LETM1: variants seen among roughly 807,000 people sequenced by gnomAD.
The protein encoded by LETM1 is mitochondrial proton/calcium exchanger protein.
In LETM1, 50 loss-of-function variants were observed where a neutral mutation model predicts 74.5. The observed-to-expected ratio is 0.67, with a 90% CI of 0.53 to 0.85. The LOEUF is 0.85. Among genes scored for constraint, LETM1 ranks in the 40% least tolerant of loss-of-function variants. LETM1 has a pLI of 0.00. For synonymous variants in LETM1, 446 were observed against 407.1 expected (o/e 1.10, Z -1.15); for missense variants, 824 against 967.8 (o/e 0.85, Z 1.97).
chr4:1,827,795 G>A (rs1416608661), intron 6 of LETM1, among the ~76,000 whole-genome samples: 5 of 150,548 alleles, frequency 3.3e-5, no homozygotes, highest in Non-Finnish European at 3.0e-5. Flanking sequence ...TTCTCAATGA[G>A]CTGTTGGGCA....
In LETM1 at chr4:1,815,674, T is replaced by A. The variant is rs1252172792; in HGVS notation, c.2060A>T (p.Asp687Val). 3 of 1,614,116 alleles carry A rather than the reference T, an allele frequency of 1.9e-6. No individual in the cohort carries two copies. The highest frequency in any genetic ancestry group is 1.7e-5 in the Admixed American group (1 of 60,022). The change falls in exon 13 of 14, where the codon GAC becomes GTC. Residue 687 changes from aspartate (D) to valine (V), a missense_variant. Asp to Val is a radical substitution (Grantham distance 152). Around this residue, in one of 4 missense-constraint regions of LETM1, gnomAD observed 161 missense variants for 252.7 expected, o/e 0.64. Coordinates refer to ENST00000302787, the MANE Select transcript of LETM1 (RefSeq NM_012318.3). ...ENKDGKVNIDDLVKVIELVDK... is the reference protein window; with the variant it reads ...ENKDGKVNIDVLVKVIELVDK... ...CCCAGCGAGGCCCACCTTGACGAGG[T>A]CGTCGATGTTGACCTTGCCATCCTT...
rs764194986 is a variant in LETM1 at position 1,816,826 on chromosome 4, C to T, written c.1832G>A (p.Arg611Lys). 1 of 1,614,216 alleles carries T rather than the reference C, an allele frequency of 6.2e-7. No homozygotes were observed. Among genetic ancestry groups the T allele is most frequent in the Non-Finnish European group, 8.5e-7 (1 of 1,180,016 alleles). Reference sequence around the variant, plus strand: ...GATCTGCCCGATCATTTGCTGCACCCTTTTTGTCAATCTCTTGCTGGCTTT... The same window carrying T: ...GATCTGCCCGATCATTTGCTGCACCTTTTTTGTCAATCTCTTGCTGGCTTT... The part of the protein sequence containing the change: ...ESKASKRLTK[R>K]VQQMIGQIDG... Residue 611 changes from arginine to lysine, a missense_variant, in exon 12 of 14, where the codon AGG (arginine) becomes AAG (lysine). By Grantham distance (26) the Arg-to-Lys change is conservative (BLOSUM62 2). Around this residue, in one of 4 missense-constraint regions of LETM1, gnomAD observed 161 missense variants for 252.7 expected, o/e 0.64. Coordinates refer to ENST00000302787, the MANE Select transcript of LETM1 (RefSeq NM_012318.3).
At chr4:1,837,228 G>A (rs559574039) in intron 3 of LETM1, among the ~76,000 whole-genome samples, 108 of 152,106 alleles carry the variant, frequency 7.1e-4, no homozygotes, top group Non-Finnish European at 1.3e-3. Flanking sequence ...TACGTTTCCT[G>A]CGTTTCCACT....
chr4:1,844,590 G>A (rs1475054991), intron 2 of LETM1, among the ~76,000 whole-genome samples: 1 of 152,000 alleles, frequency 6.6e-6, no homozygotes, highest in Non-Finnish European at 1.5e-5. Flanking sequence ...AAATTAGCAG[G>A]CGTGGTGGCA....
Position 1,834,695 on chromosome 4 carries a change from C to T in LETM1, c.876+150G>A. The T allele has an allele frequency of 6.8e-7, 1 of 1,478,984 alleles. No individual in the cohort carries two copies. The highest frequency in any genetic ancestry group is 8.9e-7 in the Non-Finnish European group (1 of 1,119,012). 91.6% of individuals were successfully genotyped at this position (1,478,984 alleles called of 1,614,324 possible). The stretch of plus-strand genomic sequence containing the variant: ...TCGTGGGGGCAGACTCCTGACACTC[C>T]ACTGGCCCCCGACTGAGCCTCCTGG... On this transcript the variant is annotated intron_variant, in intron 5 of 13. Transcript: ENST00000302787. This position sits in a 1 kb window ranked among gnomAD's most constrained non-coding sequence, Gnocchi z 5.0.
chr4:1,850,735 C>A (rs1169284956), intron 1 of LETM1, among the ~76,000 whole-genome samples: 1 of 151,232 alleles, frequency 6.6e-6, no homozygotes, highest in Admixed American at 6.6e-5. Context: ...GAGGCTGAGG[C>A]GGGTGGATCA....
At chr4:1,848,791 TG>T (rs1712971464) in intron 2 of LETM1, among the ~76,000 whole-genome samples, 1 of 150,818 alleles carries the variant, frequency 6.6e-6, no homozygotes, top group Non-Finnish European at 1.5e-5. Context: ...TGAGACTTGC[TG>T]TACATCAAAA....
rs770092773 is a variant in LETM1 at position 1,834,859 on chromosome 4, C to G, written c.862G>C (p.Val288Leu). Residue 288 changes from valine to leucine, a missense_variant, in exon 5 of 14, where the codon GTG becomes CTG. By Grantham distance (32) the Val-to-Leu change is conservative. This residue lies in a region of LETM1 where 269 missense variants were observed against 348.8 expected (regional missense o/e 0.77). Coordinates refer to ENST00000302787, the MANE Select transcript of LETM1 (RefSeq NM_012318.3). This position sits in a 1 kb window ranked among gnomAD's most constrained non-coding sequence, Gnocchi z 5.0. ...AKGSATKDFS[V>L]FFQKIRETGE... ...TATCACAGCACCTTCTGGAAAAACA[C>G]AGAGAAGTCTTTGGTGGCGCTGCCC... 1 of 1,614,188 alleles carries G rather than the reference C, an allele frequency of 6.2e-7. No individual in the cohort carries two copies. Among genetic ancestry groups the G allele is most frequent in the Non-Finnish European group, 8.5e-7 (1 of 1,180,020 alleles).
chr4:1,833,370 A>G, intron 5 of LETM1: 1 of 237,426 alleles, frequency 4.2e-6, no homozygotes, highest in South Asian at 5.9e-5. Flanking sequence ...AGCCTGGGGA[A>G]AGGTGGCGTC....
chr4:1,836,352 A>C lies in LETM1; in HGVS notation c.738+77T>G. The C allele has an allele frequency of 6.8e-7, 1 of 1,467,330 alleles. No homozygotes were observed. The highest frequency in any genetic ancestry group is 2.3e-5 in the East Asian group (1 of 43,968). 90.9% of individuals were successfully genotyped at this position (1,467,330 alleles called of 1,614,324 possible). ...AAGTCTCAAAAATATCTAGCACCTGAAAAGTCACAAACAAGGAAGCCATCA... is the reference window on the plus strand; with the variant it reads ...AAGTCTCAAAAATATCTAGCACCTGCAAAGTCACAAACAAGGAAGCCATCA... On this transcript the variant is annotated intron_variant, in intron 4 of 13. Coordinates refer to ENST00000302787, the MANE Select transcript of LETM1 (RefSeq NM_012318.3). The surrounding 1 kb of genome is among the most constrained non-coding windows in gnomAD (Gnocchi z 5.8).
intron 6 of LETM1, among the ~76,000 whole-genome samples, 154 bp downstream of exon 6, chr4:1,832,590 A>G (rs1167610784): frequency 1.3e-5 from 2 of 152,232 alleles, no homozygotes; most frequent in African/African-American, 4.8e-5. Flanking sequence ...TCTTCAAAGG[A>G]TCTGCAATCT....
At chr4:1,828,762 G>T (rs1712128181) in intron 6 of LETM1, among the ~76,000 whole-genome samples, 1 of 142,784 alleles carries the variant, frequency 7.0e-6, no homozygotes, top group Non-Finnish European at 1.5e-5. Flanking sequence ...GGGCGGCCGG[G>T]CAGAGGCGCC....
chr4:1,828,229 ACC>A (rs1712083636), intron 6 of LETM1, among the ~76,000 whole-genome samples: 1 of 71,142 alleles, frequency 1.4e-5, no homozygotes, highest in African/African-American at 5.3e-5. Flanking sequence ...GGGGGGGCTG[ACC>A]GCCCCCCACC....
chr4:1,848,266 C>T lies in LETM1; in HGVS notation c.143+883G>A, dbSNP rs530827699. Among the ~76,000 whole-genome samples the T allele has an allele frequency of 1.2e-3, 182 of 151,890 alleles. 2 individuals carry two copies. The highest frequency in any genetic ancestry group is 8.7e-3 in the Admixed American group (132 of 15,254). ...TAAAAATACAAAAATTAGCCAGGTG[C>T]GGCCGGACGCGGTGGCTCATGCCTG... is the stretch of plus-strand genomic sequence containing the variant. On this transcript the variant is annotated intron_variant, in intron 2 of 13. Coordinates refer to ENST00000302787, the MANE Select transcript of LETM1 (RefSeq NM_012318.3).
chr4:1,826,858 A>C (rs1371269455), intron 6 of LETM1, among the ~76,000 whole-genome samples: 1 of 152,094 alleles, frequency 6.6e-6, no homozygotes, highest in Non-Finnish European at 1.5e-5. Flanking sequence ...TGCTCTGGGG[A>C]TCACGATACA....
At position 1,814,503 on chromosome 4, in the gene LETM1, A is replaced by T; in HGVS notation, c.2141T>A (p.Leu714Gln). 6.2e-7 allele frequency: 1 copy of T among 1,613,898 alleles called. No individual in the cohort carries two copies. Among genetic ancestry groups the T allele is most frequent in the Non-Finnish European group, 8.5e-7 (1 of 1,179,914 alleles). Reference protein sequence around the residue: ...TSQVAEIVATLEKEEKVEEKE... With the variant: ...TSQVAEIVATQEKEEKVEEKE... ...CTCCTCCACCTTCTCCTCTTTTTCC[A>T]GTGTTGCTACAATCTCAGCCACCTG... Residue 714 changes from leucine to glutamine, a missense_variant, in exon 14 of 14, where the codon CTG becomes CAG. Coordinates refer to ENST00000302787, the MANE Select transcript of LETM1 (RefSeq NM_012318.3).
intron 2 of LETM1, 120 bp downstream of exon 2, chr4:1,849,029 A>T: frequency 1.4e-6 from 1 of 707,748 alleles, no homozygotes; most frequent in Non-Finnish European, 2.6e-6. Flanking sequence ...TAAAAGAAAC[A>T]AAGAACAGGA....
chr4:1,850,644 GAAAAAAA>G (rs535769857), intron 1 of LETM1, among the ~76,000 whole-genome samples: 6 of 74,368 alleles, frequency 8.1e-5, no homozygotes, highest in East Asian at 9.8e-4. Flanking sequence ...CTCTGTCTCA[GAAAAAAA>G]AAAAAAAAAA....
At chr4:1,822,346 C>T in intron 9 of LETM1, 34 bp from the exon 10 acceptor site, 3 of 1,433,174 alleles carry the variant, frequency 2.1e-6, no homozygotes, top group African/African-American at 1.4e-5. Context: ...CCAGCGCCCG[C>T]CATCACACAG....
Sources: gnomAD v4.1 joint callset for allele counts (sites outside exome capture counted in the v4.1 genomes callset) on GRCh38, gnomAD v4.1.1 for gene constraint, gnomAD v4.1.1 regional missense constraint, Gnocchi (gnomAD v3.1) non-coding constraint, MANE v1.5 for transcripts, NCBI Gene and HGNC (gene_info 2026-07-23, HGNC 2026-07-21) for gene names.